The following CRADD variants were observed in gnomAD, a reference collection of about 807,000 sequenced individuals.
CRADD encodes death domain-containing protein CRADD.
A neutral mutation model predicts 15.5 loss-of-function variants in CRADD; 9 were observed. The observed-to-expected ratio is 0.58, with a 90% CI of 0.35 to 1.01. The LOEUF is 1.01. Among genes scored for constraint, CRADD ranks in the 50% least tolerant of loss-of-function variants. The probability of loss-of-function intolerance (pLI) is 0.02; values close to 1 mark genes in which losing one functional copy is unlikely to be tolerated. For synonymous variants in CRADD, 118 were observed against 107.6 expected (o/e 1.10, Z -0.60); for missense variants, 227 against 250.3 (o/e 0.91, Z 0.63).
At chr12:93,786,029 C>T (rs1349482752) in intron 2 of CRADD, among the ~76,000 whole-genome samples, 3 of 152,128 alleles carry the variant, frequency 2.0e-5, no homozygotes, top group Non-Finnish European at 4.4e-5. Context: ...CAGGGAATAG[C>T]AAAGGTCACA....
chr12:93,748,725 C>A (rs1201307413), intron 2 of CRADD, among the ~76,000 whole-genome samples: 2 of 152,200 alleles, frequency 1.3e-5, no homozygotes, highest in African/African-American at 4.8e-5. Flanking sequence ...ATCCAGTCCC[C>A]CTTCGGGACC....
intron 2 of CRADD, among the ~76,000 whole-genome samples, chr12:93,887,789 A>C (rs184758466): frequency 4.6e-5 from 7 of 152,356 alleles, no homozygotes; most frequent in Admixed American, 4.6e-4. Context: ...GGCACAGGGG[A>C]TACAAATGAA....
downstream of CRADD, among the ~76,000 whole-genome samples, chr12:93,852,783 A>G (rs1435576339): frequency 6.6e-6 from 1 of 152,136 alleles, no homozygotes; most frequent in Non-Finnish European, 1.5e-5. Flanking sequence ...ATTTGCCGGC[A>G]CTGACAGAAA....
chr12:93,765,286 T>C (rs764329809), intron 2 of CRADD, among the ~76,000 whole-genome samples: 3 of 152,082 alleles, frequency 2.0e-5, no homozygotes, highest in Non-Finnish European at 4.4e-5. Flanking sequence ...TGGTTTTTTG[T>C]TTTTACAAGG....
chr12:93,832,532 T>A (rs1957919086), intron 2 of CRADD, among the ~76,000 whole-genome samples: 1 of 146,108 alleles, frequency 6.8e-6, no homozygotes, highest in Non-Finnish European at 1.6e-5. Context: ...AATTGAAGCT[T>A]CTTAATCTTT....
intron 2 of CRADD, among the ~76,000 whole-genome samples, chr12:93,690,309 T>G (rs1020647817): frequency 6.6e-6 from 1 of 152,216 alleles, no homozygotes; most frequent in Non-Finnish European, 1.5e-5. Context: ...ATCCTTCTTC[T>G]TTTTGGATTG....
intron 2 of CRADD, among the ~76,000 whole-genome samples, chr12:93,704,993 A>C (rs1267990277): frequency 6.6e-6 from 1 of 152,152 alleles, no homozygotes; most frequent in Non-Finnish European, 1.5e-5. Flanking sequence ...GCCACCTCCC[A>C]AGTCACTTTC....
intron 2 of CRADD, among the ~76,000 whole-genome samples, chr12:93,741,162 C>T (rs563694421): frequency 3.3e-5 from 5 of 152,272 alleles, no homozygotes; most frequent in South Asian, 2.1e-4. Context: ...TGCTAACTCC[C>T]GGAGTTGTGT....
At chr12:93,890,720 C>G (rs1470802620) in intron 2 of CRADD, among the ~76,000 whole-genome samples, 1 of 152,000 alleles carries the variant, frequency 6.6e-6, no homozygotes, top group African/African-American at 2.4e-5. Flanking sequence ...CTGAACCAAA[C>G]CAATGTTTTC....
At chr12:93,808,617 A>G (rs1413364475) in intron 2 of CRADD, among the ~76,000 whole-genome samples, 2 of 152,082 alleles carry the variant, frequency 1.3e-5, no homozygotes, top group African/African-American at 2.4e-5. Context: ...ACTAGCAGAC[A>G]TTGTCAGGTC....
chr12:93,692,516 G>A (rs1164066434), intron 2 of CRADD, among the ~76,000 whole-genome samples: 1 of 152,102 alleles, frequency 6.6e-6, no homozygotes, highest in African/African-American at 2.4e-5. Context: ...ATTTCAATAA[G>A]CCTAGTAGTA....
At chr12:93,890,739 T>A (rs1477148498) in intron 2 of CRADD, among the ~76,000 whole-genome samples, 1 of 151,694 alleles carries the variant, frequency 6.6e-6, no homozygotes, top group East Asian at 1.9e-4. Flanking sequence ...TCTTTTGTTG[T>A]TGTTGCTTGT....
chr12:93,760,433 G>T (rs965182981), intron 2 of CRADD, among the ~76,000 whole-genome samples: 2 of 152,102 alleles, frequency 1.3e-5, no homozygotes, highest in African/African-American at 4.8e-5. Flanking sequence ...TACTATGAGA[G>T]ATCTTCTTAG....
intron 2 of CRADD, among the ~76,000 whole-genome samples, chr12:93,818,853 G>A (rs895373337): frequency 2.0e-5 from 3 of 152,150 alleles, no homozygotes; most frequent in South Asian, 4.1e-4. Flanking sequence ...CGTGAGAGGC[G>A]GCCTGGCCCC....
At chr12:93,786,565 C>T (rs1006869317) in intron 2 of CRADD, among the ~76,000 whole-genome samples, 22 of 152,104 alleles carry the variant, frequency 1.4e-4, no homozygotes, top group Non-Finnish European at 2.9e-5. Context: ...GATGCCAGCG[C>T]TTCTTTATAG....
intron 2 of CRADD, among the ~76,000 whole-genome samples, chr12:93,748,841 C>A (rs1956798480): frequency 6.6e-6 from 1 of 152,142 alleles, no homozygotes; most frequent in Admixed American, 6.5e-5. Flanking sequence ...TGGGGCTTAC[C>A]CAGAGCTGTT....
intron 2 of CRADD, among the ~76,000 whole-genome samples, chr12:93,690,127 A>G (rs1483564962): frequency 6.6e-6 from 1 of 152,210 alleles, no homozygotes; most frequent in African/African-American, 2.4e-5. Context: ...AGGCCATCAG[A>G]TGGTCATCTT....
chr12:93,891,051 A>G (rs1456814106), intron 2 of CRADD, among the ~76,000 whole-genome samples: 3 of 151,694 alleles, frequency 2.0e-5, no homozygotes, highest in African/African-American at 7.3e-5. Flanking sequence ...GCCTAGCCCA[A>G]TGTATTTCTT....
intron 2 of CRADD, among the ~76,000 whole-genome samples, chr12:93,680,002 A>G (rs889822266): frequency 1.3e-5 from 2 of 152,182 alleles, no homozygotes; most frequent in African/African-American, 2.4e-5. Context: ...GCAAAGAGCA[A>G]TAGTTTGGGG....
Sources: allele counts gnomAD v4.1 joint callset (sites outside exome capture counted in the v4.1 genomes callset), GRCh38; gene constraint gnomAD v4.1.1; transcripts MANE v1.5; gene names NCBI Gene and HGNC (gene_info 2026-07-23, HGNC 2026-07-21).